GRIN2A: variants seen among roughly 807,000 people sequenced by gnomAD.
GRIN2A encodes glutamate receptor ionotropic, NMDA 2A.
A neutral mutation model predicts 113.4 loss-of-function variants in GRIN2A; 22 were observed. The observed-to-expected ratio is 0.19, with a 90% CI of 0.14 to 0.28. GRIN2A has a LOEUF of 0.28. GRIN2A is among the 10% of genes least tolerant of loss of function. The probability of loss-of-function intolerance (pLI) is 1.00; values close to 1 mark genes in which losing one functional copy is unlikely to be tolerated. For synonymous variants in GRIN2A, 827 were observed against 738.4 expected (o/e 1.12, Z -1.94); for missense variants, 1,502 against 1,887.0 (o/e 0.80, Z 3.78).
At chr16:10,003,166 G>C (rs997191414) in intron 2 of GRIN2A, among the ~76,000 whole-genome samples, 5 of 152,168 alleles carry the variant, frequency 3.3e-5, no homozygotes, top group African/African-American at 1.2e-4. Flanking sequence ...TACATGGGGA[G>C]TATGGAGTCC....
intron 2 of GRIN2A, among the ~76,000 whole-genome samples, chr16:10,019,717 A>G (rs894361480): frequency 1.3e-5 from 2 of 152,202 alleles, no homozygotes; most frequent in African/African-American, 2.4e-5. Flanking sequence ...GCGAGGGTTC[A>G]GGACTACCGG....
At chr16:9,919,700 T>A (rs1016592791) in intron 3 of GRIN2A, among the ~76,000 whole-genome samples, 1 of 152,226 alleles carries the variant, frequency 6.6e-6, no homozygotes, top group Admixed American at 6.5e-5. Context: ...CTCCAAAGAC[T>A]TTTCATAATA....
intron 2 of GRIN2A, among the ~76,000 whole-genome samples, chr16:10,176,938 G>C (rs556424215): frequency 8.2e-4 from 124 of 152,096 alleles, no homozygotes; most frequent in Admixed American, 1.5e-3. Flanking sequence ...TTACCAGCAG[G>C]GGCACTATCA....
At chr16:9,881,888 C>G (rs1218097119) in intron 4 of GRIN2A, among the ~76,000 whole-genome samples, 2 of 152,208 alleles carry the variant, frequency 1.3e-5, no homozygotes, top group Non-Finnish European at 2.9e-5. Context: ...TATCAATTGT[C>G]ATTTACTGGT....
chr16:10,053,799 T>A (rs1010392373), intron 2 of GRIN2A, among the ~76,000 whole-genome samples: 1 of 152,158 alleles, frequency 6.6e-6, no homozygotes, highest in Admixed American at 6.6e-5. Flanking sequence ...TTTGCACCAA[T>A]CTAATACATC....
chr16:9,842,949 GAA>G (rs71380938), intron 5 of GRIN2A, among the ~76,000 whole-genome samples: 5 of 138,046 alleles, frequency 3.6e-5, no homozygotes, highest in Admixed American at 1.5e-4. Context: ...GAGAAAGAAA[GAA>G]AGAGAGAGAG....
At chr16:9,792,623 G>T (rs758251281) in intron 11 of GRIN2A, among the ~76,000 whole-genome samples, 1 of 151,944 alleles carries the variant, frequency 6.6e-6, no homozygotes, top group Non-Finnish European at 1.5e-5. Context: ...AATTGAATAT[G>T]CCATATACAT....
chr16:10,127,821 C>T (rs1035886742), intron 2 of GRIN2A, among the ~76,000 whole-genome samples: 2 of 152,150 alleles, frequency 1.3e-5, no homozygotes, highest in South Asian at 4.1e-4. Context: ...AGAATTAAAC[C>T]TCGCCCAAAA....
chr16:10,065,729 G>A (rs2047636322), intron 2 of GRIN2A, among the ~76,000 whole-genome samples: 1 of 152,176 alleles, frequency 6.6e-6, no homozygotes, highest in South Asian at 2.1e-4. Context: ...CCAAGTGAAT[G>A]CTAAGCTGGA....
chr16:9,883,092 C>T (rs2043516865), intron 4 of GRIN2A, among the ~76,000 whole-genome samples: 1 of 152,198 alleles, frequency 6.6e-6, no homozygotes, highest in Admixed American at 6.5e-5. Context: ...CAGAGAGAAA[C>T]TCTGGTTCTC....
chr16:9,934,208 T>C (rs1012663911), intron 3 of GRIN2A, among the ~76,000 whole-genome samples: 1 of 152,230 alleles, frequency 6.6e-6, no homozygotes, highest in Non-Finnish European at 1.5e-5. Context: ...TTCTGTACTA[T>C]TCTTTTTTCA....
At chr16:9,839,420 A>T (rs947513559) in intron 7 of GRIN2A, among the ~76,000 whole-genome samples, 3 of 150,398 alleles carry the variant, frequency 2.0e-5, no homozygotes, top group African/African-American at 7.6e-5. Flanking sequence ...AATTTACAAA[A>T]CGGTTAAAAA....
chr16:10,121,441 C>T (rs1022108919), intron 2 of GRIN2A: 1 of 150,756 alleles, frequency 6.6e-6, no homozygotes, highest in Non-Finnish European at 1.5e-5. Flanking sequence ...CCCACAGATA[C>T]CTTCTCCTCT....
intron 5 of GRIN2A, among the ~76,000 whole-genome samples, chr16:9,844,186 G>A (rs1234043440): frequency 6.6e-6 from 1 of 152,052 alleles, no homozygotes; most frequent in Non-Finnish European, 1.5e-5. Flanking sequence ...GGCATATAGT[G>A]GCATTCTTTG....
chr16:10,008,164 T>C (rs2046438332), intron 2 of GRIN2A, among the ~76,000 whole-genome samples: 1 of 152,108 alleles, frequency 6.6e-6, no homozygotes, highest in Non-Finnish European at 1.5e-5. Flanking sequence ...CTCTTGAGCC[T>C]TGACGGCTCC....
chr16:9,930,243 C>G (rs1332197303), intron 3 of GRIN2A, among the ~76,000 whole-genome samples: 1 of 152,148 alleles, frequency 6.6e-6, no homozygotes, highest in Non-Finnish European at 1.5e-5. Context: ...CGACTATATC[C>G]TAGATGCTTG....
At chr16:9,996,053 G>C (rs12447524) in intron 2 of GRIN2A, among the ~76,000 whole-genome samples, 1 of 77,528 alleles carries the variant, frequency 1.3e-5, no homozygotes, top group Non-Finnish European at 2.6e-5. Context: ...AAAAAAAAAA[G>C]AAAGAAAGAA....
intron 4 of GRIN2A, among the ~76,000 whole-genome samples, chr16:9,888,722 A>C (rs1206931469): frequency 1.3e-5 from 2 of 151,918 alleles, no homozygotes; most frequent in Non-Finnish European, 1.5e-5. Flanking sequence ...TGATATGCGT[A>C]TGTGCATATA....
intron 11 of GRIN2A, among the ~76,000 whole-genome samples, chr16:9,795,029 T>C (rs1246159266): frequency 3.9e-5 from 6 of 151,948 alleles, no homozygotes; most frequent in Admixed American, 1.3e-4. Flanking sequence ...ATGATGATGA[T>C]GACGGTGATG....
Sources: gnomAD v4.1 joint callset for allele counts (sites outside exome capture counted in the v4.1 genomes callset) on GRCh38, gnomAD v4.1.1 for gene constraint, MANE v1.5 for transcripts, NCBI Gene and HGNC (gene_info 2026-07-23, HGNC 2026-07-21) for gene names.